GALC: variants seen among roughly 807,000 people sequenced by gnomAD.
The protein encoded by GALC is galactosylceramidase, also known as galactocerebrosidase.
In GALC, 77 loss-of-function variants were observed where a neutral mutation model predicts 91.8. That is an observed-to-expected ratio of 0.84 (90% CI 0.70 to 1.01). GALC has a LOEUF of 1.01. GALC is among the 50% of genes least tolerant of loss of function. The pLI is 0.00. For missense variants in GALC, 882 were observed against 855.9 expected, an observed-to-expected ratio of 1.03 and a Z score of -0.38; for synonymous variants, 357 against 306.7, an observed-to-expected ratio of 1.16 and a Z score of -1.71.
In GALC at chr14:87,936,885, C is replaced by T. The variant is rs934315009; in HGVS notation, c.1912-2007G>A. ...AACTTGACTCATTAAGTGCTTACCA[C>T]ATATCAGGTACTATATATATATATA... On this transcript the variant is annotated intron_variant, in intron 16 of 16. Coordinates refer to ENST00000261304, the MANE Select transcript of GALC (RefSeq NM_000153.4). Among the ~76,000 whole-genome samples the T allele has an allele frequency of 1.7e-4, 7 of 40,710 alleles. No individual in the cohort carries two copies. In the South Asian group the frequency reaches 3.4e-3, roughly 20 times the overall value. 26.7% of individuals were successfully genotyped at this position (40,710 alleles called of 152,430 possible).
At chr14:87,977,036 G>T (rs963908435) in intron 6 of GALC, among the ~76,000 whole-genome samples, 1 of 114,940 alleles carries the variant, frequency 8.7e-6, no homozygotes, top group South Asian at 2.8e-4. Flanking sequence ...GAAATATGGG[G>T]GGGGGGGGAT....
chr14:87,968,493 A>AG lies in GALC; in HGVS notation c.753-4dup. ...AATGGGTTCCAGGATAATGAGCCCTAGAAAAAAAAAGGGTGGAAGTCAATG... is the reference window on the plus strand; with the variant it reads ...AATGGGTTCCAGGATAATGAGCCCTAGGAAAAAAAAAGGGTGGAAGTCAATG... On this transcript the variant is annotated splice_polypyrimidine_tract_variant and splice_region_variant and intron_variant, in intron 7 of 16. Transcript: ENST00000261304. The AG allele has an allele frequency of 6.2e-7, 1 of 1,613,688 alleles. No individual in the cohort carries two copies. The highest frequency in any genetic ancestry group is 8.5e-7 in the Non-Finnish European group (1 of 1,179,714).
intron 5 of GALC, among the ~76,000 whole-genome samples, chr14:87,983,918 T>G (rs1013660213): frequency 2.0e-5 from 3 of 152,196 alleles, no homozygotes; most frequent in African/African-American, 7.2e-5. Flanking sequence ...AATGGCTATA[T>G]ATTTACCTCA....
Position 87,953,846 on chromosome 14 carries a change from T to A in GALC, c.1162-3098A>T, listed in dbSNP as rs531856419. On this transcript the variant is annotated intron_variant, in intron 10 of 16. Transcript: ENST00000261304. ...GTTTAGTCATGGTGCTATCTCCATG[T>A]CATGTGAAGGAAATAAACATAAAAT... 1,449 of 1,609,926 alleles carry A rather than the reference T, an allele frequency of 9.0e-4. 5 individuals are homozygous for A. The highest frequency in any genetic ancestry group is 7.3e-4 in the Non-Finnish European group (863 of 1,178,482).
chr14:87,961,532 A>G lies in GALC; in HGVS notation c.1161+1852T>C, dbSNP rs1269807896. Among the ~76,000 whole-genome samples the G allele has an allele frequency of 2.6e-5, 4 of 152,204 alleles. No homozygotes were observed. In the South Asian group the frequency reaches 8.3e-4, roughly 31 times the overall value. ...CATATGCTAATCCACACCATTAGTC[A>G]TAACAGCCATGATGGGGTTCAAGAC... On this transcript the variant is annotated intron_variant, in intron 10 of 16. Transcript: ENST00000261304.
rs1328754521 is a variant in GALC at position 87,961,989 on chromosome 14, G to A, written c.1161+1395C>T. Among the ~76,000 whole-genome samples the A allele has an allele frequency of 3.9e-5, 6 of 152,162 alleles. No individual in the cohort carries two copies. The East Asian group carries it at 9.6e-4, about 24-fold the overall frequency. ...ATTTAGTTTTGGGTGCTCATTACCT[G>A]TAGATCCCTTCCTTCCCAGGGTCAG... On this transcript the variant is annotated intron_variant, in intron 10 of 16. Coordinates refer to ENST00000261304, the MANE Select transcript of GALC (RefSeq NM_000153.4).
rs2139996044 is a variant in GALC, at chr14:87,965,504, C to T, written c.1033+1G>A. 1 of 1,613,388 alleles carries T rather than the reference C, an allele frequency of 6.2e-7. No homozygotes were observed. On this transcript the variant is annotated splice_donor_variant, in intron 9 of 16. Coordinates refer to ENST00000261304, the MANE Select transcript of GALC (RefSeq NM_000153.4). LOFTEE classifies it high-confidence loss of function. Reference sequence around the variant, plus strand: ...GAGTGAGAGATGGAACTGAACCATACCTGATACCCAGACAGGAGATTCTAC... The same window carrying T: ...GAGTGAGAGATGGAACTGAACCATATCTGATACCCAGACAGGAGATTCTAC...
intron 10 of GALC, among the ~76,000 whole-genome samples, chr14:87,961,541 A>G (rs886269105): frequency 1.4e-4 from 21 of 152,208 alleles, no homozygotes; most frequent in African/African-American, 4.8e-4. Context: ...CATAACAGCC[A>G]TGATGGGGTT....
chr14:87,976,755 C>G, intron 6 of GALC: 1 of 392,684 alleles, frequency 2.5e-6, no homozygotes, highest in Non-Finnish European at 4.8e-6. Context: ...GCTGGGATTA[C>G]AGGCACGCGC....
intron 10 of GALC, chr14:87,952,614 T>C (rs975563367): frequency 7.9e-6 from 12 of 1,516,180 alleles, no homozygotes; most frequent in Non-Finnish European, 8.2e-6. Flanking sequence ...TCAGCTTTTA[T>C]ACAGTCAACA....
At chr14:87,984,571 A>G (rs777870566) in intron 4 of GALC, 38 bp from the exon 5 acceptor site, 29 of 1,612,628 alleles carry the variant, frequency 1.8e-5, no homozygotes, top group African/African-American at 8.0e-5. Context: ...TAGAGGAGGT[A>G]TAACGGTGCT....
intron 11 of GALC, 35 bp downstream of exon 11, chr14:87,950,624 T>A: frequency 7.6e-7 from 1 of 1,311,670 alleles, no homozygotes. Flanking sequence ...AATTCTTAAA[T>A]CAAAACTAAA....
At chr14:87,946,397 C>T (rs447852) in intron 13 of GALC, among the ~76,000 whole-genome samples, 145,599 of 152,106 alleles carry the variant, frequency 0.96, 69,983 homozygotes, top group Non-Finnish European at 1. Flanking sequence ...AGAAATTTTA[C>T]ATATCTTATA....
At chr14:87,954,879 AT>A in intron 10 of GALC, 1 of 1,597,994 alleles carries the variant, frequency 6.3e-7, no homozygotes, top group Non-Finnish European at 8.6e-7. Context: ...TGAAGAAAAT[AT>A]ACTATAGGCC....
rs558775304 is a variant in GALC at position 87,962,152 on chromosome 14, C to T, written c.1161+1232G>A. Reference sequence around the variant, plus strand: ...TGGGGGCCCCAAGAATATAACCAGACAAAAATGTGATTCGCACCCTATTTG... The same window carrying T: ...TGGGGGCCCCAAGAATATAACCAGATAAAAATGTGATTCGCACCCTATTTG... On this transcript the variant is annotated intron_variant, in intron 10 of 16. Transcript: ENST00000261304. Among the ~76,000 whole-genome samples the T allele has an allele frequency of 5.9e-5, 9 of 152,206 alleles. No homozygotes were observed. In the South Asian group the frequency reaches 1.0e-3, roughly 18 times the overall value.
chr14:87,939,195 T>C (rs1455875040), intron 16 of GALC, among the ~76,000 whole-genome samples: 1 of 151,968 alleles, frequency 6.6e-6, no homozygotes, highest in Non-Finnish European at 1.5e-5. Context: ...AAATCTTCAA[T>C]ATACATATTG....
Position 87,982,202 on chromosome 14 carries a change from C to T in GALC, c.621+3G>A. 3 of 1,522,110 alleles carry T rather than the reference C, an allele frequency of 2.0e-6. No individual in the cohort carries two copies. The highest frequency in any genetic ancestry group is 2.7e-6 in the Non-Finnish European group (3 of 1,099,284). The allele number at this position is 1,522,110 out of a possible 1,614,324, so 94.3% of individuals were successfully genotyped here. A position where few individuals can be genotyped will look rare whatever the true frequency, so the allele number is the denominator to read the frequency against. ...AACAAAAAGATACTAAAGTTGTACACACCTTAATATAATTGGCATTATATG... is the reference window on the plus strand; with the variant it reads ...AACAAAAAGATACTAAAGTTGTACATACCTTAATATAATTGGCATTATATG... On this transcript the variant is annotated splice_donor_region_variant and intron_variant, in intron 6 of 16. Coordinates refer to ENST00000261304, the MANE Select transcript of GALC (RefSeq NM_000153.4).
chr14:87,984,639 C>T, intron 4 of GALC, 106 bp from the exon 5 acceptor site: 2 of 1,099,462 alleles, frequency 1.8e-6, no homozygotes, highest in South Asian at 1.3e-5. Context: ...TAGCAAAAAA[C>T]CAATACAGAT....
chr14:87,965,124 A>G (rs1446940430), intron 9 of GALC, among the ~76,000 whole-genome samples: 2 of 152,190 alleles, frequency 1.3e-5, no homozygotes, highest in African/African-American at 4.8e-5. Flanking sequence ...CTCTATTAAT[A>G]TAAGAGAACA....
Sources: gnomAD v4.1 joint callset for allele counts (sites outside exome capture counted in the v4.1 genomes callset) on GRCh38, gnomAD v4.1.1 for gene constraint, MANE v1.5 for transcripts, NCBI Gene and HGNC (gene_info 2026-07-23, HGNC 2026-07-21) for gene names.